The following NTSR2 variants were observed in gnomAD, a reference collection of about 807,000 sequenced individuals.
NTSR2 encodes the protein neurotensin receptor type 2.
A neutral mutation model predicts 24.1 loss-of-function variants in NTSR2; 22 were observed. The ratio of observed to expected loss-of-function variants is 0.91; its 90% CI spans 0.65 to 1.30. NTSR2 has a LOEUF of 1.30. Among genes scored for constraint, NTSR2 ranks in the 50% most tolerant of loss-of-function variants. The pLI is 0.00. For synonymous variants in NTSR2, 291 were observed against 267.0 expected, an observed-to-expected ratio of 1.09 and a Z score of -0.88; for missense variants, 570 against 570.4, an observed-to-expected ratio of 1.00 and a Z score of 0.01.
In NTSR2 at chr2:11,658,698, G is replaced by A; in HGVS notation, c.1014C>T (p.Tyr338=). ...WTDPLYNFYH[Y]FYMVTNTLFY... ...AAAGTGTGTTGGTCACCATGTAGAA[G>A]TAGTGGTAGAAATTGTACAGTGGGC... Residue 338 remains tyrosine (Y), a synonymous_variant, in exon 4 of 4, where the codon TAC becomes TAT. Coordinates refer to ENST00000306928, the MANE Select transcript of NTSR2 (RefSeq NM_012344.4). 6.2e-7 allele frequency: 1 copy of A among 1,614,188 alleles called. No homozygotes were observed. The highest frequency in any genetic ancestry group is 8.5e-7 in the Non-Finnish European group (1 of 1,180,030).
chr2:11,661,725 C>T (rs1448045567), intron 2 of NTSR2, among the ~76,000 whole-genome samples: 1 of 152,192 alleles, frequency 6.6e-6, no homozygotes, highest in Non-Finnish European at 1.5e-5. Flanking sequence ...TCTCTGTTTG[C>T]CTGTGTGTGC....
rs1181137975 is a variant in NTSR2, at chr2:11,658,288, A to G, written c.*191T>C. ...GTGCTGTTCTTTATCTCCACTACAC[A>G]GACGAGGGAGCCTGAGGCTAGGAGG... On this transcript the variant is annotated 3_prime_UTR_variant, in exon 4 of 4. Transcript: ENST00000306928. The G allele has an allele frequency of 1.3e-5, 8 of 634,282 alleles. No individual in the cohort carries two copies. The East Asian group carries it at 1.9e-4, about 15-fold the overall frequency. 39.3% of individuals were successfully genotyped at this position (634,282 alleles called of 1,614,324 possible).
intron 1 of NTSR2, among the ~76,000 whole-genome samples, chr2:11,668,658 C>T (rs755203069): frequency 3.9e-5 from 6 of 152,178 alleles, no homozygotes; most frequent in Non-Finnish European, 7.3e-5. Flanking sequence ...TTCCCACTTC[C>T]CCAATGTGCT....
intron 1 of NTSR2, 47 bp downstream of exon 1, chr2:11,669,459 C>CGGGGGGGGCGGG: frequency 3.0e-6 from 1 of 337,896 alleles, no homozygotes; most frequent in East Asian, 4.3e-5. Flanking sequence ...CTCCCAGCAC[C>CGGGGGGGGCGGG]GCCCCCCCAC....
In NTSR2 at chr2:11,669,983, G is replaced by T. The variant is rs1553393612; in HGVS notation, c.147C>A (p.Gly49=). ...YALIWALGAA[G]NALSAHVVLK... is the part of the protein sequence containing the mutation. Reference sequence around the variant, plus strand: ...GCACCACGTGCGCGGACAGCGCATTGCCCGCCGCGCCCAGCGCCCAGATGA... The same window carrying T: ...GCACCACGTGCGCGGACAGCGCATTTCCCGCCGCGCCCAGCGCCCAGATGA... The change falls in exon 1 of 4, where the codon GGC becomes GGA. Residue 49 remains glycine, a synonymous_variant. Transcript: ENST00000306928. 2 of 1,512,196 alleles carry T rather than the reference G, an allele frequency of 1.3e-6. No individual in the cohort carries two copies. The highest frequency in any genetic ancestry group is 1.8e-6 in the Non-Finnish European group (2 of 1,136,920). 93.7% of individuals were successfully genotyped at this position (1,512,196 alleles called of 1,614,324 possible). A position where few individuals can be genotyped will look rare whatever the true frequency, so the allele number is the denominator to read the frequency against.
At chr2:11,660,841 G>A (rs2148483582) in intron 2 of NTSR2, among the ~76,000 whole-genome samples, 1 of 152,206 alleles carries the variant, frequency 6.6e-6, no homozygotes, top group Non-Finnish European at 1.5e-5. Flanking sequence ...CATTCATCTG[G>A]CACTCAAGCC....
intron 1 of NTSR2, 47 bp downstream of exon 1, chr2:11,669,459 C>CCGGGGGGGGGGGGGG: frequency 2.3e-4 from 79 of 337,852 alleles, no homozygotes; most frequent in East Asian, 4.3e-4. Context: ...CTCCCAGCAC[C>CCGGGGGGGGGGGGGG]GCCCCCCCAC....
At chr2:11,662,325 G>C (rs917166549) in intron 1 of NTSR2, 85 bp from the exon 2 acceptor site, 3 of 1,312,996 alleles carry the variant, frequency 2.3e-6, no homozygotes, top group Non-Finnish European at 3.0e-6. Context: ...CCCGGAATCT[G>C]CATCAGCAGA....
intron 1 of NTSR2, among the ~76,000 whole-genome samples, chr2:11,662,696 G>T (rs543817955): frequency 6.6e-6 from 1 of 152,180 alleles, no homozygotes; most frequent in African/African-American, 2.4e-5. Flanking sequence ...CAGGAGAATG[G>T]TGTGAACCCA....
rs1661283219 is a variant in NTSR2, at chr2:11,669,650, CCA to C, written c.478_479del (p.Trp160GlyfsTer99). The C allele has an allele frequency of 6.4e-7, 1 of 1,553,372 alleles. No individual in the cohort carries two copies. Among genetic ancestry groups the C allele is most frequent in the African/African-American group, 1.4e-5 (1 of 72,938 alleles). ...RRTRWLVALSWAASLGLALPM... is the reference protein window; with the variant it reads ...RRTRWLVALSXAASLGLALPM... ...GCAGGGCGAGGCCGAGCGAGGCGGC[CCA>C]CGAGAGCGCCACCAGCCACCGGGTC... On this transcript the variant is annotated frameshift_variant, in exon 1 of 4. Coordinates refer to ENST00000306928, the MANE Select transcript of NTSR2 (RefSeq NM_012344.4). LOFTEE classifies it high-confidence loss of function.
intron 1 of NTSR2, 47 bp downstream of exon 1, chr2:11,669,459 C>CGGGGGGGGGGGCGGG: frequency 3.0e-6 from 1 of 337,896 alleles, no homozygotes; most frequent in East Asian, 4.3e-5. Context: ...CTCCCAGCAC[C>CGGGGGGGGGGGCGGG]GCCCCCCCAC....
Position 11,660,100 on chromosome 2 carries a change from A to T in NTSR2, c.932T>A (p.Leu311Gln). The T allele has an allele frequency of 6.2e-7, 1 of 1,613,882 alleles. No homozygotes were observed. Among genetic ancestry groups the T allele is most frequent in the Middle Eastern group, 1.7e-4 (1 of 6,060 alleles). ...AIVVMYVICW[L>Q]PYHARRLMYC... ...CATGAGCCTGCGGGCATGGTACGGC[A>T]GCCAGCAGATGACATACATGACCAC... Residue 311 changes from leucine to glutamine, a missense_variant, in exon 3 of 4, where the codon CTG becomes CAG. By Grantham distance (113) the Leu-to-Gln change is moderately radical. Coordinates refer to ENST00000306928, the MANE Select transcript of NTSR2 (RefSeq NM_012344.4).
At chr2:11,669,460 G>GGGGCGGGGGGGGGGCCCC in intron 1 of NTSR2, 46 bp downstream of exon 1, 1 of 254,726 alleles carries the variant, frequency 3.9e-6, no homozygotes, top group Non-Finnish European at 6.9e-6. Context: ...TCCCAGCACC[G>GGGGCGGGGGGGGGGCCCC]CCCCCCCACC....
At chr2:11,669,100 G>A (rs1246376747) in intron 1 of NTSR2, among the ~76,000 whole-genome samples, 12 of 152,152 alleles carry the variant, frequency 7.9e-5, no homozygotes, top group African/African-American at 2.2e-4. Context: ...TGCCTTCCCC[G>A]TCCCCACCCT....
At chr2:11,660,934 T>C (rs560791996) in intron 2 of NTSR2, among the ~76,000 whole-genome samples, 58 of 152,310 alleles carry the variant, frequency 3.8e-4, no homozygotes, top group African/African-American at 1.3e-3. Flanking sequence ...TCCTCTGTGC[T>C]TTCCCTGCTC....
intron 1 of NTSR2, 57 bp downstream of exon 1, chr2:11,669,449 C>T: frequency 4.9e-6 from 2 of 404,882 alleles, no homozygotes; most frequent in South Asian, 5.8e-5. Flanking sequence ...GGGTTCCCTC[C>T]TCCCAGCACC....
At chr2:11,660,229 G>C in intron 2 of NTSR2, 96 bp from the exon 3 acceptor site, 2 of 923,906 alleles carry the variant, frequency 2.2e-6, no homozygotes, top group Non-Finnish European at 3.4e-6. Context: ...CGAGGGGATA[G>C]CAGCATTTCC....
chr2:11,669,460 G>GGGGGGGGGGGGGGGGCCCCCCCCCCC, intron 1 of NTSR2, 46 bp downstream of exon 1: 10 of 254,716 alleles, frequency 3.9e-5, no homozygotes, highest in East Asian at 1.1e-4. Context: ...TCCCAGCACC[G>GGGGGGGGGGGGGGGGCCCCCCCCCCC]CCCCCCCACC....
At position 11,669,779 on chromosome 2, in the gene NTSR2, C is replaced by T; in HGVS notation, c.351G>A (p.Leu117=). The part of the protein sequence containing the change: ...GCRGYYFVHE[L]CAYATVLSVA... ...CGCTCAGCACCGTGGCGTAGGCGCA[C>T]AGCTCGTGCACGAAGTAGTAGCCGC... The change falls in exon 1 of 4, where the codon CTG becomes CTA. Residue 117 remains leucine (L), a synonymous_variant. Transcript: ENST00000306928. 6.5e-7 allele frequency: 1 copy of T among 1,549,672 alleles called. No homozygotes were observed. The highest frequency in any genetic ancestry group is 8.7e-7 in the Non-Finnish European group (1 of 1,154,454).
Sources: gnomAD v4.1 joint callset for allele counts (sites outside exome capture counted in the v4.1 genomes callset) on GRCh38, gnomAD v4.1.1 for gene constraint, MANE v1.5 for transcripts, NCBI Gene and HGNC (gene_info 2026-07-23, HGNC 2026-07-21) for gene names.